MAP3K3: variants seen among roughly 807,000 people sequenced by gnomAD.
The protein encoded by MAP3K3 is MAP/ERK kinase kinase 3.
Under a neutral mutation model 80.9 loss-of-function variants are expected in MAP3K3, and 12 were observed. That is an observed-to-expected ratio of 0.15 (90% CI 0.10 to 0.24). The LOEUF (loss-of-function observed/expected upper bound fraction) is 0.24. Ranked by LOEUF, MAP3K3 falls within the 10% of genes least tolerant of loss-of-function variation. The pLI is 1.00. For synonymous variants in MAP3K3, 272 were observed against 307.1 expected, an observed-to-expected ratio of 0.89 and a Z score of 1.19; for missense variants, 596 against 834.7, an observed-to-expected ratio of 0.71 and a Z score of 3.52.
At position 63,691,966 on chromosome 17, in the gene MAP3K3, G is replaced by C. The variant is rs562224777; in HGVS notation, c.1474+104G>C. 7.5e-7 allele frequency: 1 copy of C among 1,337,212 alleles called. No individual in the cohort carries two copies. Among genetic ancestry groups the C allele is most frequent in the African/African-American group, 1.5e-5 (1 of 68,664 alleles). The allele number at this position is 1,337,212 out of a possible 1,614,324, so 82.8% of individuals were successfully genotyped here. ...TTAACCATTCTGAACTTTCTGAAAA[G>C]TGGGACCCCAGTTGTTTCCCTGAGG... On this transcript the variant is annotated intron_variant, in intron 14 of 15. Transcript: ENST00000361733. The surrounding 1 kb of genome is among the most constrained non-coding windows in gnomAD (Gnocchi z 4.8).
chr17:63,691,299 G>A lies in MAP3K3; in HGVS notation c.1344+66G>A. Reference sequence around the variant, plus strand: ...GGGCCTGACCTGGGGGCTGGGGCCTGCAGGAGGGGGGTCACCTTGGATAGG... The same window carrying A: ...GGGCCTGACCTGGGGGCTGGGGCCTACAGGAGGGGGGTCACCTTGGATAGG... On this transcript the variant is annotated intron_variant, in intron 13 of 15. Transcript: ENST00000361733. The surrounding 1 kb of genome is among the most constrained non-coding windows in gnomAD (Gnocchi z 4.8). 1.2e-6 allele frequency: 2 copies of A among 1,604,416 alleles called. No homozygotes were observed. The highest frequency in any genetic ancestry group is 1.7e-5 in the Admixed American group (1 of 59,852).
chr17:63,667,411 C>A (rs548303450), intron 6 of MAP3K3, among the ~76,000 whole-genome samples: 6 of 152,240 alleles, frequency 3.9e-5, no homozygotes, highest in South Asian at 2.1e-4. Flanking sequence ...AGTTAGGAAT[C>A]GGGTCTAAGT....
chr17:63,659,752 T>TG (rs1645703655), intron 5 of MAP3K3, among the ~76,000 whole-genome samples: 1 of 151,928 alleles, frequency 6.6e-6, no homozygotes, highest in Admixed American at 6.6e-5. Context: ...AGACTGGTCT[T>TG]GAACTCCTGA....
rs1386476918 is a variant in MAP3K3 at position 63,695,169 on chromosome 17, G to C, written c.*1392G>C. 1 of 152,222 alleles carries C rather than the reference G, an allele frequency of 6.6e-6. No homozygotes were observed. The highest frequency in any genetic ancestry group is 1.5e-5 in the Non-Finnish European group (1 of 67,994). The allele number at this position is 152,222 out of a possible 1,614,324, so 9.4% of individuals were successfully genotyped here. On this transcript the variant is annotated 3_prime_UTR_variant, in exon 16 of 16. Transcript: ENST00000361733. This position sits in a 1 kb window ranked among gnomAD's most constrained non-coding sequence, Gnocchi z 4.1. ...GGATTAGTGCCAGGCAGCCCTGCCA[G>C]CCATGCCTACATCCCCATGGGCACA...
Position 63,692,540 on chromosome 17 carries a change from A to G in MAP3K3, c.1652+121A>G. On this transcript the variant is annotated intron_variant, in intron 15 of 15. Coordinates refer to ENST00000361733, the MANE Select transcript of MAP3K3 (RefSeq NM_002401.5). This position sits in a 1 kb window ranked among gnomAD's most constrained non-coding sequence, Gnocchi z 4.5. ...GGAGTGTGCCCAGGGCCCAGGCTGC[A>G]GTGTGTGCAAGGGTATTATTGGGTG... 1 of 1,019,216 alleles carries G rather than the reference A, an allele frequency of 9.8e-7. No individual in the cohort carries two copies. The highest frequency in any genetic ancestry group is 1.4e-6 in the Non-Finnish European group (1 of 711,930). The allele number at this position is 1,019,216 out of a possible 1,614,324, so 63.1% of individuals were successfully genotyped here.
intron 1 of MAP3K3, among the ~76,000 whole-genome samples, chr17:63,624,638 GTCC>G (rs1163139612): frequency 2.6e-5 from 4 of 152,214 alleles, no homozygotes; most frequent in Non-Finnish European, 5.9e-5. Flanking sequence ...CACATCAGTT[GTCC>G]TCCTGTCAGT....
chr17:63,648,402 G>T (rs565051475), intron 3 of MAP3K3, among the ~76,000 whole-genome samples: 1 of 152,162 alleles, frequency 6.6e-6, no homozygotes, highest in African/African-American at 2.4e-5. Flanking sequence ...GGTATGATTT[G>T]CTATTAGGCA....
At chr17:63,680,332 A>T (rs2143547838) in intron 6 of MAP3K3, among the ~76,000 whole-genome samples, 1 of 152,358 alleles carries the variant, frequency 6.6e-6, no homozygotes, top group Non-Finnish European at 1.5e-5. Flanking sequence ...TTTTCTAAAC[A>T]ACAGGATAAA....
chr17:63,652,344 G>A (rs1271105190), intron 3 of MAP3K3, among the ~76,000 whole-genome samples: 1 of 152,100 alleles, frequency 6.6e-6, no homozygotes, highest in Non-Finnish European at 1.5e-5. Flanking sequence ...AGCAATAGTT[G>A]TGGGTACTGT....
Position 63,691,982 on chromosome 17 carries a change from T to C in MAP3K3, c.1474+120T>C. The C allele has an allele frequency of 8.5e-7, 1 of 1,182,614 alleles. No individual in the cohort carries two copies. The highest frequency in any genetic ancestry group is 1.2e-6 in the Non-Finnish European group (1 of 828,612). The allele number at this position is 1,182,614 out of a possible 1,614,324, so 73.3% of individuals were successfully genotyped here. A position where few individuals can be genotyped will look rare whatever the true frequency, so the allele number is the denominator to read the frequency against. On this transcript the variant is annotated intron_variant, in intron 14 of 15. Transcript: ENST00000361733. The surrounding 1 kb of genome is among the most constrained non-coding windows in gnomAD (Gnocchi z 4.8). Reference sequence around the variant, plus strand: ...TTCTGAAAAGTGGGACCCCAGTTGTTTCCCTGAGGAACTGGTGAGATTGGT... The same window carrying C: ...TTCTGAAAAGTGGGACCCCAGTTGTCTCCCTGAGGAACTGGTGAGATTGGT...
At chr17:63,688,476 G>C (rs759198719) in intron 8 of MAP3K3, 51 bp from the exon 9 acceptor site, 3 of 1,431,898 alleles carry the variant, frequency 2.1e-6, no homozygotes, top group Non-Finnish European at 3.0e-6. Flanking sequence ...CGCCCTGCTT[G>C]GTTGCTGTGG....
chr17:63,691,837 C>G lies in MAP3K3; in HGVS notation c.1449C>G (p.Asn483Lys). The change falls in exon 14 of 16, where the codon AAC becomes AAG. Residue 483 changes from asparagine (N) to lysine (K), a missense_variant. By Grantham distance (94) the Asn-to-Lys change is moderately conservative (BLOSUM62 0). Transcript: ENST00000361733. The surrounding 1 kb of genome is among the most constrained non-coding windows in gnomAD (Gnocchi z 4.8). Reference protein sequence around the residue: ...ILEGMSYLHSNMIVHRDIKGA... With the variant: ...ILEGMSYLHSKMIVHRDIKGA... ...AGGGCATGTCCTACCTGCACAGCAACATGATTGTTCACCGGGACATTAAGG... is the reference window on the plus strand; with the variant it reads ...AGGGCATGTCCTACCTGCACAGCAAGATGATTGTTCACCGGGACATTAAGG... 1 of 1,614,156 alleles carries G rather than the reference C, an allele frequency of 6.2e-7. No individual in the cohort carries two copies. Among genetic ancestry groups the G allele is most frequent in the Middle Eastern group, 1.6e-4 (1 of 6,062 alleles).
intron 3 of MAP3K3, among the ~76,000 whole-genome samples, chr17:63,648,784 C>T (rs372885872): frequency 6.6e-6 from 1 of 152,018 alleles, no homozygotes; most frequent in East Asian, 1.9e-4. Flanking sequence ...CACTGCACTC[C>T]AGCCTGGGGG....
rs186488960 is a variant in MAP3K3 at position 63,652,152 on chromosome 17, A to C, written c.168-405A>C. On this transcript the variant is annotated intron_variant, in intron 3 of 15. Transcript: ENST00000361733. ...CCATCACCTATATATTAAGCCCAGT[A>C]TGCATTAGCTATTCTTCCTGATACT... 5.9e-3 allele frequency among the ~76,000 whole-genome samples: 906 copies of C among 152,296 alleles called. 7 individuals are homozygous for C. Among genetic ancestry groups the C allele is most frequent in the African/African-American group, 0.021 (856 of 41,542 alleles).
At position 63,681,854 on chromosome 17, in the gene MAP3K3, C is replaced by T. The variant is rs2035344644; in HGVS notation, c.591C>T (p.Ser197=). The T allele has an allele frequency of 1.3e-6, 2 of 1,542,526 alleles. No individual in the cohort carries two copies. Among genetic ancestry groups the T allele is most frequent in the South Asian group, 1.2e-5 (1 of 82,490 alleles). Residue 197 remains serine, a synonymous_variant, in exon 7 of 16, where the codon AGC becomes AGT. Transcript: ENST00000361733. ...QHIARQGSYT[S]INSEGEFIPE... ...TTGCCCGGCAGGGGTCCTACACCAG[C>T]ATCAACAGTGAGGGGGAGTTCATCC...
At chr17:63,679,749 G>C (rs929137042) in intron 6 of MAP3K3, among the ~76,000 whole-genome samples, 1 of 152,132 alleles carries the variant, frequency 6.6e-6, no homozygotes, top group South Asian at 2.1e-4. Flanking sequence ...CGGGATAATA[G>C]GTGTGAGCCA....
chr17:63,657,586 G>A (rs868865563), intron 4 of MAP3K3, among the ~76,000 whole-genome samples: 1 of 152,148 alleles, frequency 6.6e-6, no homozygotes, highest in African/African-American at 2.4e-5. Flanking sequence ...GCACAACTAT[G>A]TAAAGGTACT....
rs773704370 is a variant in MAP3K3 at position 63,691,912 on chromosome 17, A to G, written c.1474+50A>G. On this transcript the variant is annotated intron_variant, in intron 14 of 15. Coordinates refer to ENST00000361733, the MANE Select transcript of MAP3K3 (RefSeq NM_002401.5). This position sits in a 1 kb window ranked among gnomAD's most constrained non-coding sequence, Gnocchi z 4.8. ...GTCCCCAGGACCTGGGTTCAAGTCT[A>G]CCATTGAGTGCCTGCAGGGGCCAAT... 1.1e-5 allele frequency: 18 copies of G among 1,586,354 alleles called. No homozygotes were observed. The highest frequency in any genetic ancestry group is 3.3e-4 in the Middle Eastern group (2 of 5,994).
rs2034240012 is a variant in MAP3K3 at position 63,632,640 on chromosome 17, G to A, written c.5-41G>A. ...GTTTGTGAAAGAGCTTTGCTGGTCTGTATTTAAGTGTCTTAGTCCATGTGC... is the reference window on the plus strand; with the variant it reads ...GTTTGTGAAAGAGCTTTGCTGGTCTATATTTAAGTGTCTTAGTCCATGTGC... On this transcript the variant is annotated intron_variant, in intron 1 of 15. Coordinates refer to ENST00000361733, the MANE Select transcript of MAP3K3 (RefSeq NM_002401.5). The A allele has an allele frequency of 3.1e-6, 5 of 1,610,866 alleles. No individual in the cohort carries two copies. In the South Asian group the frequency reaches 4.4e-5, roughly 14 times the overall value.
Sources: gnomAD v4.1 joint callset for allele counts (sites outside exome capture counted in the v4.1 genomes callset) on GRCh38, gnomAD v4.1.1 for gene constraint, Gnocchi (gnomAD v3.1) non-coding constraint, MANE v1.5 for transcripts, NCBI Gene and HGNC (gene_info 2026-07-23, HGNC 2026-07-21) for gene names.